Variants in MAP3K9 observed in about 807,000 individuals in gnomAD.
MAP3K9 encodes the protein mixed lineage kinase 1 (tyr and ser/thr specificity).
A neutral mutation model predicts 95.8 loss-of-function variants in MAP3K9; 46 were observed. That is an observed-to-expected ratio of 0.48 (90% CI 0.38 to 0.61). The LOEUF (loss-of-function observed/expected upper bound fraction) is 0.61, where lower values mean the gene tolerates loss of function less well. Among genes scored for constraint, MAP3K9 ranks in the 20% least tolerant of loss-of-function variants. The probability of loss-of-function intolerance (pLI) is 0.00; values close to 1 mark genes in which losing one functional copy is unlikely to be tolerated. For missense variants in MAP3K9, 1,296 were observed against 1,474.3 expected (o/e 0.88, Z 1.98); for synonymous variants, 533 against 593.8 (o/e 0.90, Z 1.49).
chr14:70,778,257 C>A (rs1361785427), intron 2 of MAP3K9, among the ~76,000 whole-genome samples: 14 of 149,860 alleles, frequency 9.3e-5, no homozygotes, highest in Non-Finnish European at 4.4e-5. Context: ...ACCACAGGCA[C>A]ACATCACCAC....
chr14:70,805,605 T>C (rs1219634841), intron 1 of MAP3K9, among the ~76,000 whole-genome samples: 2 of 152,254 alleles, frequency 1.3e-5, no homozygotes, highest in Non-Finnish European at 2.9e-5. Flanking sequence ...TAATATTTAG[T>C]AATTTCCCCT....
At chr14:70,789,835 A>G (rs1205728361) in intron 2 of MAP3K9, among the ~76,000 whole-genome samples, 1 of 152,234 alleles carries the variant, frequency 6.6e-6, no homozygotes, top group African/African-American at 2.4e-5. Context: ...CTTACAGTAT[A>G]GTGGATCACA....
intron 2 of MAP3K9, among the ~76,000 whole-genome samples, chr14:70,789,120 C>T (rs1192859521): frequency 6.6e-6 from 1 of 152,184 alleles, no homozygotes; most frequent in South Asian, 2.1e-4. Flanking sequence ...ACAGACAGGA[C>T]GAGGCTGCAT....
chr14:70,746,547 A>C (rs1036860409), intron 5 of MAP3K9, among the ~76,000 whole-genome samples: 2 of 152,228 alleles, frequency 1.3e-5, no homozygotes, highest in African/African-American at 4.8e-5. Context: ...GGCTAAGAGA[A>C]AGGACTCTGG....
At chr14:70,808,020 G>A (rs1180762303) in intron 1 of MAP3K9, among the ~76,000 whole-genome samples, 1 of 152,208 alleles carries the variant, frequency 6.6e-6, no homozygotes, top group East Asian at 1.9e-4. Context: ...CAGCCTCACT[G>A]TCAAAGGACT....
intron 2 of MAP3K9, among the ~76,000 whole-genome samples, 200 bp downstream of exon 2, chr14:70,800,467 A>T (rs2054915380): frequency 6.6e-6 from 1 of 151,922 alleles, no homozygotes; most frequent in African/African-American, 2.4e-5. Context: ...CAAACTCCTC[A>T]GGCGCCTCTT....
intron 2 of MAP3K9, among the ~76,000 whole-genome samples, chr14:70,765,761 C>CA (rs11351891): frequency 3.4e-4 from 35 of 103,234 alleles, no homozygotes; most frequent in South Asian, 3.1e-3. Context: ...CAAAAAAAAA[C>CA]AAAAAAAAAA....
chr14:70,804,303 T>C (rs987341248), intron 1 of MAP3K9, among the ~76,000 whole-genome samples: 18 of 152,232 alleles, frequency 1.2e-4, no homozygotes, highest in Admixed American at 1.0e-3. Flanking sequence ...TCAAAATAGC[T>C]TGAGAGTTTC....
chr14:70,753,954 T>C (rs1253804772), intron 3 of MAP3K9, among the ~76,000 whole-genome samples: 1 of 152,150 alleles, frequency 6.6e-6, no homozygotes, highest in Non-Finnish European at 1.5e-5. Context: ...GCACCATCTC[T>C]AGACTGTCAG....
rs1159800180 is a variant in MAP3K9, at chr14:70,771,796, C to T, written c.821-10614G>A. On this transcript the variant is annotated intron_variant, in intron 2 of 11. Transcript: ENST00000554752. ...GCCCTATTCATTAGACACAGCCAGC[C>T]TTTAGGGCTCCTGAGTGGCACGTGA... Among the ~76,000 whole-genome samples, 4 of 152,204 alleles carry T rather than the reference C, an allele frequency of 2.6e-5. 1 individual carries two copies. Among genetic ancestry groups the T allele is most frequent in the African/African-American group, 9.7e-5 (4 of 41,448 alleles).
At chr14:70,805,113 T>C (rs2139868270) in intron 1 of MAP3K9, among the ~76,000 whole-genome samples, 1 of 152,332 alleles carries the variant, frequency 6.6e-6, no homozygotes, top group South Asian at 2.1e-4. Flanking sequence ...TTTCCAGGAA[T>C]ATCAGGAATA....
At chr14:70,775,311 C>G (rs903301614) in intron 2 of MAP3K9, among the ~76,000 whole-genome samples, 3 of 152,084 alleles carry the variant, frequency 2.0e-5, no homozygotes, top group African/African-American at 7.2e-5. Flanking sequence ...GTTGAGGAAG[C>G]TGGGACTCAA....
chr14:70,767,609 G>A (rs993045395), intron 2 of MAP3K9, among the ~76,000 whole-genome samples: 1 of 152,038 alleles, frequency 6.6e-6, no homozygotes, highest in Non-Finnish European at 1.5e-5. Flanking sequence ...TCGGGTAGGG[G>A]ACACACAGAG....
At chr14:70,798,433 C>T (rs1478065492) in intron 2 of MAP3K9, among the ~76,000 whole-genome samples, 3 of 31,600 alleles carry the variant, frequency 9.5e-5, no homozygotes, top group East Asian at 6.4e-4. Flanking sequence ...TATAAGCAAT[C>T]TCTAGGTAGA....
At chr14:70,745,838 T>A (rs1204273392) in intron 5 of MAP3K9, among the ~76,000 whole-genome samples, 1 of 152,134 alleles carries the variant, frequency 6.6e-6, no homozygotes, top group Non-Finnish European at 1.5e-5. Context: ...TGAATAACTA[T>A]TGAGTCAATA....
chr14:70,750,729 C>T (rs2054214304), intron 3 of MAP3K9, among the ~76,000 whole-genome samples: 2 of 152,174 alleles, frequency 1.3e-5, no homozygotes, highest in South Asian at 4.1e-4. Flanking sequence ...TCCTGTGATC[C>T]TCCCGCCTCG....
intron 4 of MAP3K9, among the ~76,000 whole-genome samples, chr14:70,749,239 T>A (rs1440931837): frequency 6.6e-6 from 1 of 152,216 alleles, no homozygotes; most frequent in Non-Finnish European, 1.5e-5. Flanking sequence ...CTCATTCCAT[T>A]CTGGCTGTTA....
At chr14:70,802,615 T>A (rs2054943037) in intron 1 of MAP3K9, among the ~76,000 whole-genome samples, 1 of 152,198 alleles carries the variant, frequency 6.6e-6, no homozygotes, top group South Asian at 2.1e-4. Flanking sequence ...GTCTTAAATA[T>A]CAGTTTCATA....
chr14:70,772,348 CA>C (rs1310211264), intron 2 of MAP3K9, among the ~76,000 whole-genome samples: 1 of 151,942 alleles, frequency 6.6e-6, no homozygotes, highest in Non-Finnish European at 1.5e-5. Context: ...AAGAGGAAAC[CA>C]AAGCAAATGA....
Sources: gnomAD v4.1 joint callset for allele counts (sites outside exome capture counted in the v4.1 genomes callset) on GRCh38, gnomAD v4.1.1 for gene constraint, MANE v1.5 for transcripts, NCBI Gene and HGNC (gene_info 2026-07-23, HGNC 2026-07-21) for gene names.